Variants in PGPEP1L observed in about 807,000 individuals in gnomAD.
PGPEP1L encodes pyroglutamyl-peptidase 1-like protein.
A neutral mutation model predicts 6.0 loss-of-function variants in PGPEP1L; 7 were observed. The ratio of observed to expected loss-of-function variants is 1.17; its 90% CI spans 0.66 to 2.19. The LOEUF (loss-of-function observed/expected upper bound fraction) is 2.19, where lower values mean the gene tolerates loss of function less well. Ranked by LOEUF, PGPEP1L falls within the 30% of genes most tolerant of loss-of-function variation. PGPEP1L has a pLI of 0.00. For missense variants in PGPEP1L, 209 were observed against 192.5 expected (o/e 1.09, Z -0.51); for synonymous variants, 103 against 83.9 (o/e 1.23, Z -1.24).
intron 1 of PGPEP1L, among the ~76,000 whole-genome samples, chr15:99,006,278 G>A (rs1409233299): frequency 6.6e-6 from 1 of 152,196 alleles, no homozygotes; most frequent in Non-Finnish European, 1.5e-5. Context: ...CCTAGCTAGC[G>A]TCTGTGCAAG....
At position 98,969,621 on chromosome 15, in the gene PGPEP1L, C is replaced by G. The variant is rs376438328; in HGVS notation, c.13G>C (p.Ala5Pro). The G allele has an allele frequency of 6.2e-7, 1 of 1,612,732 alleles. No homozygotes were observed. Among genetic ancestry groups the G allele is most frequent in the South Asian group, 1.1e-5 (1 of 91,072 alleles). The change falls in exon 4 of 5, where the codon GCC (alanine) becomes CCC (proline). Residue 5 changes from alanine (A) to proline (P), a missense_variant. By Grantham distance (27) the Ala-to-Pro change is conservative. Transcript: ENST00000535714. The stretch of plus-strand genomic sequence containing the variant: ...GACTGTTCCAGAATGATCGCCTTGG[C>G]GGCGGTGTCCATGCCCACATGCACG... MDTA[A>P]KAIILEQSGK... is the part of the protein sequence containing the mutation.
At chr15:99,001,698 AT>A (rs1211704021) in intron 2 of PGPEP1L, among the ~76,000 whole-genome samples, 57 of 19,380 alleles carry the variant, frequency 2.9e-3, no homozygotes, top group African/African-American at 7.8e-3. Flanking sequence ...GATTTCATTT[AT>A]ATATTTGTGT....
At chr15:98,974,858 C>T (rs2017546596) in intron 2 of PGPEP1L, among the ~76,000 whole-genome samples, 1 of 152,162 alleles carries the variant, frequency 6.6e-6, no homozygotes, top group Non-Finnish European at 1.5e-5. Context: ...AATCGCACCA[C>T]TTCATTCCAG....
At chr15:99,002,664 TA>T (rs201891722) in intron 2 of PGPEP1L, among the ~76,000 whole-genome samples, 8,491 of 152,178 alleles carry the variant, frequency 0.056, 340 homozygotes, top group African/African-American at 0.11. Context: ...TAAAAAGTTT[TA>T]AAAAGTGTGT....
intron 2 of PGPEP1L, among the ~76,000 whole-genome samples, chr15:99,002,110 C>T (rs1355700020): frequency 1.3e-5 from 2 of 152,132 alleles, no homozygotes; most frequent in Non-Finnish European, 2.9e-5. Flanking sequence ...CTCCTGGGCT[C>T]AAGTGATCCT....
Position 99,001,022 on chromosome 15 carries a change from G to A in PGPEP1L, c.-142+4407C>T, listed in dbSNP as rs78814929. On this transcript the variant is annotated intron_variant, in intron 2 of 4. Coordinates refer to ENST00000535714, the MANE Select transcript of PGPEP1L (RefSeq NM_001167902.2). ...AACCCACTGGGAGGAATGAACTCCA[G>A]ACACGCTGCCTTAAGAGCTGTAACA... 7.8e-3 allele frequency among the ~76,000 whole-genome samples: 1,177 copies of A among 151,852 alleles called. 19 individuals are homozygous for A. The highest frequency in any genetic ancestry group is 0.027 in the African/African-American group (1,112 of 41,388).
At chr15:98,998,367 C>T (rs1555472673) in intron 2 of PGPEP1L, among the ~76,000 whole-genome samples, 1 of 152,172 alleles carries the variant, frequency 6.6e-6, no homozygotes. Flanking sequence ...AGAGTCCTCA[C>T]ATGTGAGGCA....
rs1461247261 is a variant in PGPEP1L, at chr15:99,007,493, C to T, written c.-504G>A. 2.6e-5 allele frequency: 4 copies of T among 152,246 alleles called. No homozygotes were observed. The highest frequency in any genetic ancestry group is 5.9e-5 in the Non-Finnish European group (4 of 68,090). 9.4% of individuals were successfully genotyped at this position (152,246 alleles called of 1,614,324 possible). On this transcript the variant is annotated 5_prime_UTR_variant, in exon 1 of 5. Transcript: ENST00000535714. ...TCCCAAGTTTGTTTCTTCTGATGCTCGCATGTGTTCGGAGTTTCTTCCTTC... is the reference window on the plus strand; with the variant it reads ...TCCCAAGTTTGTTTCTTCTGATGCTTGCATGTGTTCGGAGTTTCTTCCTTC...
intron 2 of PGPEP1L, among the ~76,000 whole-genome samples, chr15:98,995,356 GTCTT>G (rs1350554983): frequency 6.6e-6 from 1 of 151,922 alleles, no homozygotes; most frequent in Non-Finnish European, 1.5e-5. Context: ...TATCTAATCT[GTCTT>G]TATTGAGATA....
At chr15:99,006,996 A>G (rs1321394784) in intron 1 of PGPEP1L, among the ~76,000 whole-genome samples, 1 of 152,168 alleles carries the variant, frequency 6.6e-6, no homozygotes, top group African/African-American at 2.4e-5. Context: ...ACGTGGCTCC[A>G]TCTGCTGAAT....
chr15:99,007,398 G>C lies in PGPEP1L; in HGVS notation c.-409C>G, dbSNP rs370851802. ...GTGTGTCCAGAATCGGCGGATTCTTGGTCTCACTGACTTCAAGAACGAAGC... is the reference window on the plus strand; with the variant it reads ...GTGTGTCCAGAATCGGCGGATTCTTCGTCTCACTGACTTCAAGAACGAAGC... On this transcript the variant is annotated 5_prime_UTR_variant, in exon 1 of 5. Coordinates refer to ENST00000535714, the MANE Select transcript of PGPEP1L (RefSeq NM_001167902.2). The C allele has an allele frequency of 6.6e-6, 1 of 152,374 alleles. No individual in the cohort carries two copies. Among genetic ancestry groups the C allele is most frequent in the East Asian group, 1.9e-4 (1 of 5,200 alleles). The allele number at this position is 152,374 out of a possible 1,614,324, so 9.4% of individuals were successfully genotyped here.
At position 99,007,719 on chromosome 15, in the gene PGPEP1L, A is replaced by G. The variant is rs1487675440; in HGVS notation, c.-730T>C. The G allele has an allele frequency of 1.8e-4, 28 of 152,400 alleles. No individual in the cohort carries two copies. Among genetic ancestry groups the G allele is most frequent in the African/African-American group, 6.5e-4 (27 of 41,590 alleles). 9.4% of individuals were successfully genotyped at this position (152,400 alleles called of 1,614,324 possible). ...GGCAGTGCGGACCCAAACAGTAAGC[A>G]GCAGCAACGGTTATTGCAAACAAGC... On this transcript the variant is annotated 5_prime_UTR_variant, in exon 1 of 5. Transcript: ENST00000535714.
Position 98,969,520 on chromosome 15 carries a change from G to A in PGPEP1L, c.114C>T (p.Ser38=). The A allele has an allele frequency of 6.2e-7, 1 of 1,614,024 alleles. No individual in the cohort carries two copies. The highest frequency in any genetic ancestry group is 8.5e-7 in the Non-Finnish European group (1 of 1,179,904). Residue 38 remains serine, a synonymous_variant, in exon 4 of 5, where the codon AGC becomes AGT. Coordinates refer to ENST00000535714, the MANE Select transcript of PGPEP1L (RefSeq NM_001167902.2). The part of the protein sequence containing the change: ...WPEGGVCLPG[S]PDVLESGVCM... ...AGACCCCTGACTCCAGCACGTCTGG[G>A]CTGCCAGGTAGGCACACGCCGCCCT...
At position 99,007,479 on chromosome 15, in the gene PGPEP1L, T is replaced by C. The variant is rs1343708215; in HGVS notation, c.-490A>G. ...TTAAAGGCAGCGTGTCCCAAGTTTG[T>C]TTCTTCTGATGCTCGCATGTGTTCG... is the stretch of plus-strand genomic sequence containing the variant. On this transcript the variant is annotated 5_prime_UTR_variant, in exon 1 of 5. Transcript: ENST00000535714. 6.6e-6 allele frequency: 1 copy of C among 152,222 alleles called. No individual in the cohort carries two copies. The highest frequency in any genetic ancestry group is 1.9e-4 in the East Asian group (1 of 5,196). 9.4% of individuals were successfully genotyped at this position (152,222 alleles called of 1,614,324 possible). A position where few individuals can be genotyped will look rare whatever the true frequency, so the allele number is the denominator to read the frequency against.
At chr15:98,968,994 C>T (rs1163200666) in intron 4 of PGPEP1L, among the ~76,000 whole-genome samples, 1 of 152,104 alleles carries the variant, frequency 6.6e-6, no homozygotes, top group Admixed American at 6.5e-5. Context: ...GAGTCACTTA[C>T]TCATTCATTC....
intron 2 of PGPEP1L, among the ~76,000 whole-genome samples, chr15:99,002,427 G>A (rs562016009): frequency 6.6e-6 from 1 of 152,284 alleles, no homozygotes; most frequent in Admixed American, 6.5e-5. Context: ...TTGTGGTGAT[G>A]GTACTGCTAG....
intron 2 of PGPEP1L, among the ~76,000 whole-genome samples, chr15:99,003,221 C>T (rs1176904576): frequency 1.4e-5 from 2 of 143,802 alleles, no homozygotes; most frequent in African/African-American, 5.2e-5. Flanking sequence ...AAAAAAAGCA[C>T]TGAGAAGCCA....
chr15:99,005,896 G>C (rs559769735), intron 1 of PGPEP1L, among the ~76,000 whole-genome samples: 45 of 152,276 alleles, frequency 3.0e-4, no homozygotes, highest in African/African-American at 1.1e-3. Context: ...GGAACTGTGG[G>C]CTACCCTACA....
chr15:98,987,848 G>A (rs1555471673), intron 2 of PGPEP1L, among the ~76,000 whole-genome samples: 1 of 152,104 alleles, frequency 6.6e-6, no homozygotes, highest in East Asian at 1.9e-4. Flanking sequence ...GCTGAAGCAG[G>A]GTGGGGCGCT....
Sources: allele counts gnomAD v4.1 joint callset (sites outside exome capture counted in the v4.1 genomes callset), GRCh38; gene constraint gnomAD v4.1.1; transcripts MANE v1.5; gene names NCBI Gene and HGNC (gene_info 2026-07-23, HGNC 2026-07-21).